Variants in KCNT2 observed in about 807,000 individuals in gnomAD.
KCNT2 encodes the protein potassium channel subfamily T member 2.
A neutral mutation model predicts 153.8 loss-of-function variants in KCNT2; 67 were observed. The ratio of observed to expected loss-of-function variants is 0.44; its 90% CI spans 0.36 to 0.53. The LOEUF (loss-of-function observed/expected upper bound fraction) is 0.53. Among genes scored for constraint, KCNT2 ranks in the 20% least tolerant of loss-of-function variants. KCNT2 has a pLI of 0.00. For synonymous variants in KCNT2, 500 were observed against 458.8 expected (o/e 1.09, Z -1.15); for missense variants, 975 against 1,354.8 (o/e 0.72, Z 4.40).
chr1:196,489,723 A>G, intron 3 of KCNT2, 115 bp downstream of exon 3: 2 of 610,780 alleles, frequency 3.3e-6, no homozygotes, highest in Non-Finnish European at 5.8e-6. Context: ...TTTGTGACAA[A>G]CACCTAAAAT....
At position 196,428,119 on chromosome 1, in the gene KCNT2, G is replaced by T; in HGVS notation, c.970C>A (p.His324Asn). 6.2e-7 allele frequency: 1 copy of T among 1,611,734 alleles called. No homozygotes were observed. The highest frequency in any genetic ancestry group is 1.1e-5 in the South Asian group (1 of 90,968). The change falls in exon 10 of 28, where the codon CAT (histidine) becomes AAT (asparagine). Residue 324 changes from histidine to asparagine, a missense_variant. His to Asn is a moderately conservative substitution (Grantham distance 68, BLOSUM62 1). Around this residue, in one of 6 missense-constraint regions of KCNT2, gnomAD observed 202 missense variants for 314.9 expected, o/e 0.64. Coordinates refer to ENST00000294725, the MANE Select transcript of KCNT2 (RefSeq NM_198503.5). Reference sequence around the variant, plus strand: ...GCCAAATGTACCTGGAGCCTAGGATGAGCATAGAATTCATTTAAAAAATCC... The same window carrying T: ...GCCAAATGTACCTGGAGCCTAGGATTAGCATAGAATTCATTTAAAAAATCC... ...LMDFLNEFYA[H>N]PRLQDYYVVI...
At chr1:196,493,937 C>A (rs10754188) in intron 1 of KCNT2, among the ~76,000 whole-genome samples, 72,090 of 152,058 alleles carry the variant, frequency 0.47, 19,590 homozygotes, top group Middle Eastern at 0.73. Flanking sequence ...TTAGTTAATA[C>A]CTTCTCCAGA....
intron 1 of KCNT2, among the ~76,000 whole-genome samples, chr1:196,541,219 G>A (rs904766777): frequency 4.0e-5 from 6 of 150,882 alleles, no homozygotes; most frequent in Admixed American, 2.6e-4. Flanking sequence ...TAGAATATAC[G>A]AAACCAAAGA....
chr1:196,356,349 A>G (rs1206904483), intron 14 of KCNT2, among the ~76,000 whole-genome samples: 2 of 151,750 alleles, frequency 1.3e-5, no homozygotes, highest in Non-Finnish European at 1.5e-5. Flanking sequence ...TGTGATCACA[A>G]TGTATTCAAG....
rs182926080 is a variant in KCNT2 at position 196,508,274 on chromosome 1, C to T, written c.96-15933G>A. ...TCTCACAGTATATAGATTAAATCAC[C>T]TCCTGAAATATTAAAAAATTTTAAC... is the stretch of plus-strand genomic sequence containing the variant. On this transcript the variant is annotated intron_variant, in intron 1 of 27. Coordinates refer to ENST00000294725, the MANE Select transcript of KCNT2 (RefSeq NM_198503.5). Among the ~76,000 whole-genome samples, 4 of 149,900 alleles carry T rather than the reference C, an allele frequency of 2.7e-5. No individual in the cohort carries two copies. The East Asian group carries it at 7.8e-4, about 29-fold the overall frequency.
chr1:196,423,258 T>A, intron 11 of KCNT2, 145 bp from the exon 12 acceptor site: 39 of 343,316 alleles, frequency 1.1e-4, no homozygotes, highest in South Asian at 2.4e-4. Flanking sequence ...GAAAGTTGAA[T>A]TTCTAGCAGA....
At chr1:196,255,296 C>T (rs925275687) in intron 26 of KCNT2, among the ~76,000 whole-genome samples, 1 of 151,722 alleles carries the variant, frequency 6.6e-6, no homozygotes, top group South Asian at 2.1e-4. Flanking sequence ...ACTTTATTAT[C>T]TTCATTTGAT....
In KCNT2 at chr1:196,482,327, T is replaced by C. The variant is rs770684383; in HGVS notation, c.324+4A>G. The stretch of plus-strand genomic sequence containing the variant: ...TATAGGGATAAAACAAAATTGTACA[T>C]AACCTGTAAGCCCCACAAAGGTAGA... On this transcript the variant is annotated splice_donor_region_variant and intron_variant, in intron 4 of 27. Transcript: ENST00000294725. 16 of 1,567,998 alleles carry C rather than the reference T, an allele frequency of 1.0e-5. No individual in the cohort carries two copies. The highest frequency in any genetic ancestry group is 1.4e-5 in the African/African-American group (1 of 72,980).
chr1:196,579,453 C>T (rs1022968655), intron 1 of KCNT2, among the ~76,000 whole-genome samples: 2 of 151,780 alleles, frequency 1.3e-5, no homozygotes, highest in African/African-American at 4.8e-5. Flanking sequence ...GACAAACATG[C>T]ACATGTACCC....
intron 27 of KCNT2, among the ~76,000 whole-genome samples, chr1:196,231,923 G>A (rs1313264815): frequency 2.0e-5 from 3 of 151,752 alleles, no homozygotes; most frequent in Admixed American, 6.6e-5. Flanking sequence ...AATGAAAGAA[G>A]TATTTAATAC....
At chr1:196,592,783 A>G (rs1429058584) in intron 1 of KCNT2, among the ~76,000 whole-genome samples, 2 of 147,958 alleles carry the variant, frequency 1.4e-5, no homozygotes, top group Admixed American at 1.4e-4. Flanking sequence ...ATAACACAAG[A>G]GGGAGTCTAT....
intron 15 of KCNT2, among the ~76,000 whole-genome samples, chr1:196,340,932 A>G (rs934814094): frequency 5.9e-5 from 9 of 151,910 alleles, no homozygotes; most frequent in Non-Finnish European, 1.0e-4. Flanking sequence ...GCTTAAAACT[A>G]TTGGCCAAAG....
chr1:196,382,036 C>T lies in KCNT2; in HGVS notation c.1295-8788G>A, dbSNP rs575000481. 4.0e-5 allele frequency among the ~76,000 whole-genome samples: 6 copies of T among 151,756 alleles called. No individual in the cohort carries two copies. The South Asian group carries it at 1.0e-3, about 26-fold the overall frequency. On this transcript the variant is annotated intron_variant, in intron 13 of 27. Coordinates refer to ENST00000294725, the MANE Select transcript of KCNT2 (RefSeq NM_198503.5). ...AGGATATACAGATACTTTGCCTGCT[C>T]TGAGGGAATGAAAAAAGCCTCACTT...
intron 5 of KCNT2, 105 bp from the exon 6 acceptor site, chr1:196,469,173 T>C: frequency 1.5e-6 from 1 of 670,140 alleles, no homozygotes; most frequent in Non-Finnish European, 2.7e-6. Flanking sequence ...GATGCTTCCA[T>C]TAACAGAATA....
chr1:196,311,234 A>G (rs759206574), intron 21 of KCNT2, among the ~76,000 whole-genome samples: 3 of 151,806 alleles, frequency 2.0e-5, no homozygotes, highest in Non-Finnish European at 4.4e-5. Context: ...CTGTTAGACT[A>G]TTAGTATTCA....
rs577892013 is a variant in KCNT2, at chr1:196,343,747, GTGTTTTGTTT to G, written c.1404-1529_1404-1520del. On this transcript the variant is annotated intron_variant, in intron 14 of 27. Coordinates refer to ENST00000294725, the MANE Select transcript of KCNT2 (RefSeq NM_198503.5). ...TAATCTGAGTCCCAACTCTATAATC[GTGTTTTGTTT>G]TGTTTTGTTTTGTTTTTATTTTTAT... Among the ~76,000 whole-genome samples, 334 of 152,020 alleles carry G rather than the reference GTGTTTTGTTT, an allele frequency of 2.2e-3. 1 individual carries two copies. Among genetic ancestry groups the G allele is most frequent in the African/African-American group, 7.2e-3 (299 of 41,514 alleles).
chr1:196,286,421 C>G (rs571924710), intron 22 of KCNT2, among the ~76,000 whole-genome samples: 5 of 152,192 alleles, frequency 3.3e-5, no homozygotes, highest in African/African-American at 1.2e-4. Context: ...GAATTCCCAG[C>G]CTTCAGACAG....
rs112852460 is a variant in KCNT2 at position 196,424,660 on chromosome 1, G to A, written c.1121+1192C>T. Among the ~76,000 whole-genome samples the A allele has an allele frequency of 7.3e-3, 1,112 of 151,458 alleles. 7 individuals carry two copies. Among genetic ancestry groups the A allele is most frequent in the Middle Eastern group, 0.024 (7 of 292 alleles). The stretch of plus-strand genomic sequence containing the variant: ...AGATAACACTCATTATATCCTGCTA[G>A]TTTCTCGTGCTGTTTTTTTTTCAGA... On this transcript the variant is annotated intron_variant, in intron 11 of 27. Transcript: ENST00000294725.
intron 1 of KCNT2, among the ~76,000 whole-genome samples, chr1:196,553,887 C>T (rs1261491891): frequency 6.6e-6 from 1 of 150,888 alleles, no homozygotes; most frequent in Non-Finnish European, 1.5e-5. Context: ...GACCATGGGT[C>T]AATGAAGAAG....
Sources: gnomAD v4.1 joint callset for allele counts (sites outside exome capture counted in the v4.1 genomes callset) on GRCh38, gnomAD v4.1.1 for gene constraint, gnomAD v4.1.1 regional missense constraint, MANE v1.5 for transcripts, NCBI Gene and HGNC (gene_info 2026-07-23, HGNC 2026-07-21) for gene names.